The following JAZF1 variants were observed in gnomAD, a reference collection of about 807,000 sequenced individuals.
JAZF1 encodes the protein juxtaposed with another zinc finger protein 1.
A neutral mutation model predicts 26.4 loss-of-function variants in JAZF1; 8 were observed. The ratio of observed to expected loss-of-function variants is 0.30; its 90% CI spans 0.18 to 0.55. The LOEUF (loss-of-function observed/expected upper bound fraction) is 0.55, where lower values mean the gene tolerates loss of function less well. Among genes scored for constraint, JAZF1 ranks in the 20% least tolerant of loss-of-function variants. The probability of loss-of-function intolerance (pLI) is 0.94; values close to 1 mark genes in which losing one functional copy is unlikely to be tolerated. For synonymous variants in JAZF1, 126 were observed against 122.3 expected (o/e 1.03, Z -0.20); for missense variants, 199 against 322.0 (o/e 0.62, Z 2.92).
intron 1 of JAZF1, among the ~76,000 whole-genome samples, chr7:27,997,806 T>C (rs1239726181): frequency 1.3e-5 from 2 of 151,954 alleles, no homozygotes; most frequent in African/African-American, 2.4e-5. Flanking sequence ...ACTCCTGGCC[T>C]CAAGCAATCC....
chr7:27,940,618 G>A (rs554760676), intron 2 of JAZF1, among the ~76,000 whole-genome samples: 11 of 152,286 alleles, frequency 7.2e-5, no homozygotes, highest in Admixed American at 6.5e-5. Context: ...ACCAGTCCAC[G>A]AGAACGACTG....
At chr7:27,885,522 T>C (rs1336927377) in intron 3 of JAZF1, among the ~76,000 whole-genome samples, 1 of 152,270 alleles carries the variant, frequency 6.6e-6, no homozygotes, top group Non-Finnish European at 1.5e-5. Context: ...CCTTTCATTG[T>C]TGAATTGTAG....
intron 2 of JAZF1, among the ~76,000 whole-genome samples, chr7:27,926,723 G>A (rs1178575126): frequency 6.6e-6 from 1 of 152,226 alleles, no homozygotes; most frequent in African/African-American, 2.4e-5. Context: ...AGGAATGGAG[G>A]CACTGAATGG....
At chr7:28,089,570 C>A (rs1784262213) in intron 1 of JAZF1, among the ~76,000 whole-genome samples, 1 of 152,068 alleles carries the variant, frequency 6.6e-6, no homozygotes, top group South Asian at 2.1e-4. Context: ...GTTGACATTG[C>A]TGTGAAGGGA....
At chr7:27,893,885 T>C (rs1405468072) in intron 3 of JAZF1, among the ~76,000 whole-genome samples, 4 of 152,166 alleles carry the variant, frequency 2.6e-5, no homozygotes, top group East Asian at 1.9e-4. Flanking sequence ...GGGTCCAGAG[T>C]GCGCTCTGGT....
At chr7:27,982,209 G>A (rs1785599032) in intron 2 of JAZF1, among the ~76,000 whole-genome samples, 1 of 152,196 alleles carries the variant, frequency 6.6e-6, no homozygotes, top group South Asian at 2.1e-4. Context: ...GCAAAGGGAA[G>A]CCATGACAGA....
intron 1 of JAZF1, among the ~76,000 whole-genome samples, chr7:28,171,017 A>G (rs143189104): frequency 1.3e-5 from 2 of 152,338 alleles, no homozygotes; most frequent in African/African-American, 4.8e-5. Context: ...CCCAAATAAT[A>G]AATAATAGTA....
At chr7:28,099,722 T>C (rs549560027) in intron 1 of JAZF1, among the ~76,000 whole-genome samples, 1 of 152,328 alleles carries the variant, frequency 6.6e-6, no homozygotes, top group South Asian at 2.1e-4. Context: ...GTGATCTGCC[T>C]GCCTCAGCCT....
chr7:27,948,342 A>C (rs927423421), intron 2 of JAZF1, among the ~76,000 whole-genome samples: 2 of 152,126 alleles, frequency 1.3e-5, no homozygotes, highest in South Asian at 4.1e-4. Context: ...CATTTGGTAA[A>C]ATTTATACAG....
chr7:27,941,727 C>T (rs971503457), intron 2 of JAZF1, among the ~76,000 whole-genome samples: 8 of 152,176 alleles, frequency 5.3e-5, no homozygotes, highest in African/African-American at 1.9e-4. Context: ...AAAACCCTCA[C>T]CACCATACAA....
At chr7:28,101,838 A>G (rs1056129170) in intron 1 of JAZF1, among the ~76,000 whole-genome samples, 2 of 152,176 alleles carry the variant, frequency 1.3e-5, no homozygotes, top group Admixed American at 1.3e-4. Context: ...ATAAACAAAA[A>G]CAAATACAAT....
intron 1 of JAZF1, among the ~76,000 whole-genome samples, chr7:28,157,837 G>C (rs1783211753): frequency 6.6e-6 from 1 of 152,032 alleles, no homozygotes; most frequent in Non-Finnish European, 1.5e-5. Flanking sequence ...TTTGAGTTTA[G>C]TACTGTTCAA....
chr7:28,063,532 T>C (rs1056787754), intron 1 of JAZF1, among the ~76,000 whole-genome samples: 1 of 152,182 alleles, frequency 6.6e-6, no homozygotes, highest in African/African-American at 2.4e-5. Context: ...ACCAACATTA[T>C]TAAACACTTC....
chr7:27,875,413 T>G (rs560386743), intron 3 of JAZF1, among the ~76,000 whole-genome samples: 1 of 152,232 alleles, frequency 6.6e-6, no homozygotes, highest in Non-Finnish European at 1.5e-5. Context: ...CTTTTAAAAA[T>G]GTGAAGCAAA....
chr7:27,923,738 A>G (rs1758432261), intron 2 of JAZF1, among the ~76,000 whole-genome samples: 1 of 152,206 alleles, frequency 6.6e-6, no homozygotes, highest in Non-Finnish European at 1.5e-5. Flanking sequence ...GGCCAAACGT[A>G]TTTGCATATC....
At chr7:28,087,504 T>A (rs1784229404) in intron 1 of JAZF1, among the ~76,000 whole-genome samples, 1 of 151,956 alleles carries the variant, frequency 6.6e-6, no homozygotes, top group Non-Finnish European at 1.5e-5. Flanking sequence ...TAAAAAAAAA[T>A]AGAGTAGTGC....
At chr7:27,965,585 G>A (rs1211637937) in intron 2 of JAZF1, among the ~76,000 whole-genome samples, 1 of 152,076 alleles carries the variant, frequency 6.6e-6, no homozygotes, top group Non-Finnish European at 1.5e-5. Flanking sequence ...ACATCTTTTT[G>A]GAATACATTT....
intron 2 of JAZF1, among the ~76,000 whole-genome samples, chr7:27,986,630 GCTCTCC>G: frequency 6.9e-6 from 1 of 145,120 alleles, no homozygotes; most frequent in African/African-American, 2.5e-5. Flanking sequence ...GTTCATATGG[GCTCTCC>G]CTCCCCCTCC....
chr7:28,080,683 CAG>C (rs1344415178), intron 1 of JAZF1, among the ~76,000 whole-genome samples: 1 of 152,096 alleles, frequency 6.6e-6, no homozygotes, highest in East Asian at 1.9e-4. Flanking sequence ...GGAAGAGAGA[CAG>C]AGGAAGGACC....
Sources: allele counts gnomAD v4.1 joint callset (sites outside exome capture counted in the v4.1 genomes callset), GRCh38; gene constraint gnomAD v4.1.1; transcripts MANE v1.5; gene names NCBI Gene and HGNC (gene_info 2026-07-23, HGNC 2026-07-21).